RBFOX1: variants seen among roughly 807,000 people sequenced by gnomAD.
The protein encoded by RBFOX1 is RNA binding protein fox-1 homolog 1.
Under a neutral mutation model 57.7 loss-of-function variants are expected in RBFOX1, and 8 were observed. That is an observed-to-expected ratio of 0.14 (90% confidence interval 0.08 to 0.25). RBFOX1 has a LOEUF of 0.25. Ranked by LOEUF, RBFOX1 falls within the 10% of genes least tolerant of loss-of-function variation. The probability of loss-of-function intolerance (pLI) is 1.00; values close to 1 mark genes in which losing one functional copy is unlikely to be tolerated. For synonymous variants in RBFOX1, 326 were observed against 222.4 expected (o/e 1.47, Z -4.15); for missense variants, 611 against 548.5 (o/e 1.11, Z -1.14).
At chr16:7,365,350 A>G (rs2097421821) in intron 4 of RBFOX1, among the ~76,000 whole-genome samples, 1 of 152,292 alleles carries the variant, frequency 6.6e-6, no homozygotes, top group South Asian at 2.1e-4. Context: ...ATCAGGACTT[A>G]CCTTTTTTTA....
intron 4 of RBFOX1, among the ~76,000 whole-genome samples, chr16:5,904,684 G>T (rs567366194): frequency 6.6e-6 from 1 of 152,150 alleles, no homozygotes; most frequent in Non-Finnish European, 1.5e-5. Context: ...ATCTTGAAGA[G>T]ATAATCAGAT....
intron 3 of RBFOX1, among the ~76,000 whole-genome samples, chr16:6,881,968 A>G (rs1051754381): frequency 1.7e-4 from 26 of 152,198 alleles, no homozygotes; most frequent in African/African-American, 6.3e-4. Flanking sequence ...GAACTTGGTT[A>G]TGGGTTAGAC....
chr16:6,913,013 A>G (rs570009353), intron 3 of RBFOX1, among the ~76,000 whole-genome samples: 2 of 151,704 alleles, frequency 1.3e-5, no homozygotes, highest in African/African-American at 4.8e-5. Flanking sequence ...TCTACTTCCT[A>G]TTTCTGCTGG....
chr16:7,068,676 C>T (rs1056695992), intron 4 of RBFOX1, among the ~76,000 whole-genome samples: 1 of 152,138 alleles, frequency 6.6e-6, no homozygotes, highest in Non-Finnish European at 1.5e-5. Context: ...AACCTCTGCC[C>T]CTCCGGGTTC....
At chr16:5,598,906 A>C (rs1367392438) in exon 3 of RBFOX1, 2 of 1,522,074 alleles carry the variant, frequency 1.3e-6, no homozygotes, top group Non-Finnish European at 1.8e-6. Context: ...TGCCAGGACT[A>C]CAAGTCTGAA....
At chr16:6,169,060 A>T (rs953970862) in intron 1 of RBFOX1, among the ~76,000 whole-genome samples, 1 of 152,208 alleles carries the variant, frequency 6.6e-6, no homozygotes, top group Non-Finnish European at 1.5e-5. Context: ...AACCATGTTT[A>T]TCACTTCGTT....
intron 3 of RBFOX1, among the ~76,000 whole-genome samples, chr16:5,810,865 A>G (rs1231225610): frequency 6.6e-6 from 1 of 152,198 alleles, no homozygotes; most frequent in Admixed American, 6.5e-5. Flanking sequence ...TTAGAAAAAA[A>G]AATTATTAAG....
chr16:5,934,437 C>T (rs1195681806), intron 4 of RBFOX1, among the ~76,000 whole-genome samples: 1 of 152,164 alleles, frequency 6.6e-6, no homozygotes, highest in Non-Finnish European at 1.5e-5. Context: ...CTTTTAAAAA[C>T]TGAGTCCACT....
At chr16:7,641,891 G>A (rs533544562) in intron 11 of RBFOX1, among the ~76,000 whole-genome samples, 8 of 152,244 alleles carry the variant, frequency 5.3e-5, no homozygotes, top group Non-Finnish European at 7.4e-5. Flanking sequence ...TGCTTGAGGC[G>A]TTACAGCTCC....
intron 4 of RBFOX1, among the ~76,000 whole-genome samples, chr16:7,485,677 A>T (rs977110453): frequency 2.6e-5 from 4 of 152,178 alleles, no homozygotes; most frequent in African/African-American, 9.7e-5. Flanking sequence ...ACTGACATCT[A>T]TTTTGTTATT....
At chr16:5,712,054 G>A (rs1204481045) in intron 3 of RBFOX1, among the ~76,000 whole-genome samples, 2 of 152,202 alleles carry the variant, frequency 1.3e-5, no homozygotes, top group African/African-American at 4.8e-5. Flanking sequence ...AAGCAGGCAT[G>A]TCTTACATGG....
At position 5,869,000 on chromosome 16, in the gene RBFOX1, G is replaced by C. The variant is rs574746681; in HGVS notation, c.351+1665G>C. ...AAAAATTTTGTGATGTATAGGCTAT[G>C]ATGATCCCTATTTCACAGAAGAGTG... is the stretch of plus-strand genomic sequence containing the variant. On this transcript the variant is annotated intron_variant, in intron 4 of 19. Transcript: ENST00000641259. 5.9e-5 allele frequency among the ~76,000 whole-genome samples: 9 copies of C among 152,290 alleles called. No individual in the cohort carries two copies. The South Asian group carries it at 1.5e-3, about 25-fold the overall frequency.
intron 2 of RBFOX1, among the ~76,000 whole-genome samples, chr16:6,654,273 T>C (rs1168215657): frequency 1.3e-5 from 2 of 152,206 alleles, no homozygotes; most frequent in Non-Finnish European, 2.9e-5. Flanking sequence ...AAAGGCAGTC[T>C]CTGCTGATGT....
chr16:5,451,732 T>C (rs1399126727), intron 1 of RBFOX1, among the ~76,000 whole-genome samples: 1 of 152,208 alleles, frequency 6.6e-6, no homozygotes. Context: ...CCTGTCCGGG[T>C]TCCACATACG....
chr16:6,034,775 C>T (rs911684188), intron 1 of RBFOX1, among the ~76,000 whole-genome samples: 2 of 152,086 alleles, frequency 1.3e-5, no homozygotes, highest in Non-Finnish European at 2.9e-5. Flanking sequence ...TCCACGTTCA[C>T]ATCTTTGTCC....
intron 1 of RBFOX1, among the ~76,000 whole-genome samples, chr16:5,313,359 A>C (rs1401301258): frequency 6.6e-6 from 1 of 151,950 alleles, no homozygotes; most frequent in Non-Finnish European, 1.5e-5. Context: ...CAGTGATGTG[A>C]CTCCTAGCAT....
intron 2 of RBFOX1, among the ~76,000 whole-genome samples, chr16:6,525,126 G>T (rs1190661850): frequency 2.0e-5 from 3 of 152,108 alleles, no homozygotes; most frequent in Non-Finnish European, 4.4e-5. Context: ...GAGATATTTG[G>T]TCAACCTGTA....
intron 1 of RBFOX1, among the ~76,000 whole-genome samples, chr16:6,072,424 T>A (rs1169137263): frequency 6.6e-6 from 1 of 152,224 alleles, no homozygotes; most frequent in Non-Finnish European, 1.5e-5. Flanking sequence ...GGAGTGCAGA[T>A]ATTTCTTTGC....
rs577239517 is a variant in RBFOX1 at position 5,756,496 on chromosome 16, C to G, written c.319-110807C>G. On this transcript the variant is annotated intron_variant, in intron 3 of 19. Transcript: ENST00000641259. ...AAATGCCCAGGCTGGTTTCTTACCT[C>G]CTTCTCCATCCAGGCCTTGTCTCAC... 3.3e-5 allele frequency among the ~76,000 whole-genome samples: 5 copies of G among 152,272 alleles called. No individual in the cohort carries two copies. The South Asian group carries it at 1.0e-3, about 32-fold the overall frequency.
Sources: allele counts gnomAD v4.1 joint callset (sites outside exome capture counted in the v4.1 genomes callset), GRCh38; gene constraint gnomAD v4.1.1; transcripts MANE v1.5; gene names NCBI Gene and HGNC (gene_info 2026-07-23, HGNC 2026-07-21).